Variants in EZR observed in about 807,000 individuals in gnomAD.
The protein encoded by EZR is ezrin.
Under a neutral mutation model 74.8 loss-of-function variants are expected in EZR, and 40 were observed. The ratio of observed to expected loss-of-function variants is 0.53; its 90% CI spans 0.42 to 0.70. The LOEUF (loss-of-function observed/expected upper bound fraction) is 0.70. Among genes scored for constraint, EZR ranks in the 30% least tolerant of loss-of-function variants. EZR has a pLI of 0.00. For synonymous variants in EZR, 341 were observed against 283.3 expected (o/e 1.20, Z -2.05); for missense variants, 678 against 755.8 (o/e 0.90, Z 1.21).
chr6:158,783,099 C>CA (rs1488565610), intron 7 of EZR, among the ~76,000 whole-genome samples: 1 of 152,156 alleles, frequency 6.6e-6, no homozygotes, highest in Non-Finnish European at 1.5e-5. Flanking sequence ...TACAGCTTTT[C>CA]AAGTCTCTCA....
chr6:158,768,310 C>T (rs897546940), intron 12 of EZR, among the ~76,000 whole-genome samples: 1 of 152,070 alleles, frequency 6.6e-6, no homozygotes, highest in Non-Finnish European at 1.5e-5. Context: ...TTTCCTGAGG[C>T]CTCCCCCAGC....
At chr6:158,769,110 G>A (rs1361449975) in intron 12 of EZR, among the ~76,000 whole-genome samples, 1 of 152,186 alleles carries the variant, frequency 6.6e-6, no homozygotes, top group Non-Finnish European at 1.5e-5. Flanking sequence ...GCACTGACTC[G>A]TGTACAAAGT....
At chr6:158,788,602 G>A (rs911408763) in intron 3 of EZR, 1 of 150,660 alleles carries the variant, frequency 6.6e-6, no homozygotes, top group Non-Finnish European at 1.5e-5. Flanking sequence ...AGCTGAGATT[G>A]CACCATTGCA....
rs1562504292 is a variant in EZR at position 158,803,543 on chromosome 6, ATGT to A, written c.13-14175_13-14173del. ...TATGTAACATTATATATATATATAT[ATGT>A]ATATATATATATATATATATATATA... is the stretch of plus-strand genomic sequence containing the variant. On this transcript the variant is annotated intron_variant, in intron 2 of 13. Coordinates refer to ENST00000367075, the MANE Select transcript of EZR (RefSeq NM_001111077.2). Among the ~76,000 whole-genome samples, 8 of 21,464 alleles carry A rather than the reference ATGT, an allele frequency of 3.7e-4. 2 individuals carry two copies. The South Asian group carries it at 3.8e-3, about 10-fold the overall frequency. 14.1% of individuals were successfully genotyped at this position (21,464 alleles called of 152,430 possible). A position where few individuals can be genotyped will look rare whatever the true frequency, so the allele number is the denominator to read the frequency against.
At chr6:158,802,142 G>A (rs1436235229) in intron 2 of EZR, among the ~76,000 whole-genome samples, 2 of 152,158 alleles carry the variant, frequency 1.3e-5, no homozygotes, top group African/African-American at 4.8e-5. Flanking sequence ...CAGGTGTAAA[G>A]GGCATTCATT....
At chr6:158,791,706 A>ATTATTTTTTTT (rs1791751589) in intron 2 of EZR, among the ~76,000 whole-genome samples, 1 of 96,262 alleles carries the variant, frequency 1.0e-5, no homozygotes, top group African/African-American at 4.1e-5. Flanking sequence ...TTCAGACTCC[A>ATTATTTTTTTT]TTTTTTTTTT....
intron 8 of EZR, among the ~76,000 whole-genome samples, chr6:158,772,150 C>T (rs1791130985): frequency 6.6e-6 from 1 of 152,264 alleles, no homozygotes; most frequent in African/African-American, 2.4e-5. Context: ...TGTCACTTCA[C>T]TCCAGTGACT....
At chr6:158,792,987 T>C (rs1232032822) in intron 2 of EZR, among the ~76,000 whole-genome samples, 3 of 151,980 alleles carry the variant, frequency 2.0e-5, no homozygotes, top group Admixed American at 6.6e-5. Context: ...TGGGCAATCA[T>C]TCCCTATGGT....
intron 2 of EZR, among the ~76,000 whole-genome samples, chr6:158,804,891 C>T (rs1384412182): frequency 6.7e-6 from 1 of 148,676 alleles, no homozygotes; most frequent in Non-Finnish European, 1.5e-5. Flanking sequence ...TTAGGTATAT[C>T]TCCCGATGCT....
At chr6:158,780,969 A>G (rs1791418547) in intron 7 of EZR, among the ~76,000 whole-genome samples, 1 of 152,216 alleles carries the variant, frequency 6.6e-6, no homozygotes, top group Non-Finnish European at 1.5e-5. Context: ...CAAGAGACAG[A>G]TTTCCCAGCC....
intron 2 of EZR, among the ~76,000 whole-genome samples, chr6:158,810,201 A>G (rs1777424790): frequency 1.3e-5 from 2 of 152,240 alleles, no homozygotes; most frequent in Non-Finnish European, 2.9e-5. Flanking sequence ...GTTTTCAAGT[A>G]TATTAGATTA....
chr6:158,770,283 T>C (rs1274811972), intron 10 of EZR, among the ~76,000 whole-genome samples: 2 of 152,218 alleles, frequency 1.3e-5, no homozygotes, highest in East Asian at 1.9e-4. Flanking sequence ...TTCCCATGTG[T>C]GCTGTAAGGG....
Position 158,769,387 on chromosome 6 carries a change from A to G in EZR, c.1283T>C (p.Ile428Thr), listed in dbSNP as rs1298991024. 55 of 1,608,508 alleles carry G rather than the reference A, an allele frequency of 3.4e-5. No individual in the cohort carries two copies. Among genetic ancestry groups the G allele is most frequent in the Non-Finnish European group, 4.5e-5 (53 of 1,180,008 alleles). ...CCTCCGCGCCTCTTCCAGGAGGGCA[A>G]TCTTGGCAGTGTATTCTGCAAGCTC... is the stretch of plus-strand genomic sequence containing the variant. ...AAELAEYTAK[I>T]ALLEEARRRK... is the part of the protein sequence containing the mutation. The change falls in exon 12 of 14, where the codon ATT (isoleucine) becomes ACT (threonine). Residue 428 changes from isoleucine to threonine, a missense_variant. Transcript: ENST00000367075.
intron 2 of EZR, among the ~76,000 whole-genome samples, chr6:158,817,847 G>C (rs887151996): frequency 6.6e-6 from 1 of 152,086 alleles, no homozygotes; most frequent in Non-Finnish European, 1.5e-5. Flanking sequence ...CTACTGGGGA[G>C]GGGGCTCACA....
intron 4 of EZR, 124 bp downstream of exon 4, chr6:158,786,983 TA>T: frequency 1.4e-6 from 1 of 724,106 alleles, no homozygotes; most frequent in Non-Finnish European, 2.3e-6. Context: ...TTTTTGTCTG[TA>T]AAAACTTTTA....
rs780696470 is a variant in EZR at position 158,766,898 on chromosome 6, G to A, written c.*16C>T. On this transcript the variant is annotated 3_prime_UTR_variant, in exon 14 of 14. Transcript: ENST00000367075. ...CCGCTATGAGCACCCCTCTGCCCTT[G>A]GTCCTGGCCTGGCTGTTACAGGGCC... 10 of 1,612,172 alleles carry A rather than the reference G, an allele frequency of 6.2e-6. No individual in the cohort carries two copies. In the African/African-American group the frequency reaches 6.7e-5, roughly 11 times the overall value.
chr6:158,816,857 A>G (rs2171208), intron 2 of EZR, among the ~76,000 whole-genome samples: 79,371 of 151,958 alleles, frequency 0.52, 21,727 homozygotes, highest in Non-Finnish European at 0.61. Context: ...AGGTCGAGGT[A>G]GGCAGATCAC....
chr6:158,789,643 A>T, intron 2 of EZR: 1 of 528,064 alleles, frequency 1.9e-6, no homozygotes, highest in Non-Finnish European at 3.7e-6. Context: ...TCTTTGAGAC[A>T]GGCTCTTGCT....
intron 5 of EZR, 32 bp from the exon 6 acceptor site, chr6:158,784,759 C>T (rs745397144): frequency 6.3e-7 from 1 of 1,599,470 alleles, no homozygotes; most frequent in African/African-American, 1.3e-5. Flanking sequence ...CACTGTCATC[C>T]TTAAGGAATG....
Sources: gnomAD v4.1 joint callset for allele counts (sites outside exome capture counted in the v4.1 genomes callset) on GRCh38, gnomAD v4.1.1 for gene constraint, MANE v1.5 for transcripts, NCBI Gene and HGNC (gene_info 2026-07-23, HGNC 2026-07-21) for gene names.